Variants in RET observed in about 807,000 individuals in gnomAD.
RET encodes the protein proto-oncogene tyrosine-protein kinase receptor Ret.
RET carries 19 observed loss-of-function variants against 118.3 expected under a neutral mutation model. The ratio of observed to expected loss-of-function variants is 0.16; its 90% confidence interval spans 0.11 to 0.24. The LOEUF (loss-of-function observed/expected upper bound fraction) is 0.24, where lower values mean the gene tolerates loss of function less well. Ranked by LOEUF, RET falls within the 10% of genes least tolerant of loss-of-function variation. The probability of loss-of-function intolerance (pLI) is 1.00; values close to 1 mark genes in which losing one functional copy is unlikely to be tolerated. For synonymous variants in RET, 597 were observed against 644.1 expected (o/e 0.93, Z 1.11); for missense variants, 1,219 against 1,502.1 (o/e 0.81, Z 3.12).
rs1161678851 is a variant in RET at position 43,112,886 on chromosome 10, G to C, written c.1682G>C (p.Ser561Thr). The part of the protein sequence containing the change: ...ITRNFSTCSP[S>T]TKTCPDGHCD... ...AGGAACTTCTCCACCTGCTCTCCCA[G>C]CACCAAGACCTGCCCCGACGGCCAC... The change falls in exon 9 of 20, where the codon AGC (serine) becomes ACC (threonine). Residue 561 changes from serine to threonine, a missense_variant. Coordinates refer to ENST00000355710, the MANE Select transcript of RET (RefSeq NM_020975.6). 1 of 1,613,992 alleles carries C rather than the reference G, an allele frequency of 6.2e-7. No individual in the cohort carries two copies. The highest frequency in any genetic ancestry group is 8.5e-7 in the Non-Finnish European group (1 of 1,180,008).
intron 12 of RET, among the ~76,000 whole-genome samples, chr10:43,117,863 T>A (rs564367339): frequency 6.6e-6 from 1 of 152,286 alleles, no homozygotes; most frequent in Admixed American, 6.5e-5. Flanking sequence ...TGCTGACGTG[T>A]GTGTGACGGA....
Position 43,102,504 on chromosome 10 carries a change from T to C in RET, c.500T>C (p.Phe167Ser). ...CSSLKPRELC[F>S]PETRPSFRIR... is the part of the protein sequence containing the mutation. ...TCCCTCAAGCCCCGGGAGCTCTGCTTCCCAGAGACAAGGCCCTCCTTCCGC... is the reference window on the plus strand; with the variant it reads ...TCCCTCAAGCCCCGGGAGCTCTGCTCCCCAGAGACAAGGCCCTCCTTCCGC... The change falls in exon 3 of 20, where the codon TTC becomes TCC. Residue 167 changes from phenylalanine (F) to serine (S), a missense_variant. By Grantham distance (155) the Phe-to-Ser change is radical. Coordinates refer to ENST00000355710, the MANE Select transcript of RET (RefSeq NM_020975.6). 6.2e-7 allele frequency: 1 copy of C among 1,614,154 alleles called. No homozygotes were observed. The highest frequency in any genetic ancestry group is 8.5e-7 in the Non-Finnish European group (1 of 1,180,038).
rs1202147042 is a variant in RET at position 43,106,820 on chromosome 10, C to T, written c.1063+249C>T. Among the ~76,000 whole-genome samples, 1 of 152,208 alleles carries T rather than the reference C, an allele frequency of 6.6e-6. No homozygotes were observed. The highest frequency in any genetic ancestry group is 1.5e-5 in the Non-Finnish European group (1 of 68,022). On this transcript the variant is annotated intron_variant, in intron 5 of 19. Transcript: ENST00000355710. The surrounding 1 kb of genome is among the most constrained non-coding windows in gnomAD (Gnocchi z 5.1). ...CATGGCCGACCCTGGCAGGGCCCCA[C>T]CACACCCCCCTGCTGACCTCACCAG... is the stretch of plus-strand genomic sequence containing the variant.
Position 43,124,932 on chromosome 10 carries a change from G to T in RET, c.2989G>T (p.Val997Leu). The T allele has an allele frequency of 6.2e-7, 1 of 1,614,242 alleles. No homozygotes were observed. Among genetic ancestry groups the T allele is most frequent in the East Asian group, 2.2e-5 (1 of 44,884 alleles). ...CWKQEPDKRPVFADISKDLEK... is the reference protein window; with the variant it reads ...CWKQEPDKRPLFADISKDLEK... ...GAAGCAGGAGCCGGACAAAAGGCCG[G>T]TGTTTGCGGACATCAGCAAAGACCT... The change falls in exon 18 of 20, where the codon GTG becomes TTG. Residue 997 changes from valine to leucine, a missense_variant. Val to Leu is a conservative substitution (Grantham distance 32). Coordinates refer to ENST00000355710, the MANE Select transcript of RET (RefSeq NM_020975.6).
intron 1 of RET, among the ~76,000 whole-genome samples, chr10:43,099,436 G>A (rs372179674): frequency 3.3e-5 from 5 of 151,926 alleles, no homozygotes; most frequent in East Asian, 1.9e-4. Flanking sequence ...GCTTGAACCC[G>A]GGAGGTGGAA....
chr10:43,108,527 G>T (rs1588868947), intron 5 of RET, among the ~76,000 whole-genome samples: 1 of 152,170 alleles, frequency 6.6e-6, no homozygotes, highest in South Asian at 2.1e-4. Context: ...AGTCCACCCT[G>T]CCTTCCTGTC....
chr10:43,089,855 C>T (rs1229363821), intron 1 of RET, among the ~76,000 whole-genome samples: 3 of 152,240 alleles, frequency 2.0e-5, no homozygotes, highest in Non-Finnish European at 2.9e-5. Context: ...TTGTTATCAT[C>T]AGACAAGAAC....
At chr10:43,119,955 C>T in intron 14 of RET, 126 bp from the exon 15 acceptor site, 2 of 1,454,224 alleles carry the variant, frequency 1.4e-6, no homozygotes, top group Non-Finnish European at 1.9e-6. Flanking sequence ...TGCCACACCC[C>T]CGGCCCAGGT....
rs1432069386 is a variant in RET, at chr10:43,114,629, C to T, written c.2029C>T (p.Arg677Trp). Residue 677 changes from arginine to tryptophan, a missense_variant, in exon 11 of 20, where the codon CGG becomes TGG. By Grantham distance (101) the Arg-to-Trp change is moderately radical. Coordinates refer to ENST00000355710, the MANE Select transcript of RET (RefSeq NM_020975.6). This position sits in a 1 kb window ranked among gnomAD's most constrained non-coding sequence, Gnocchi z 4.6. ...CATCTCCTCAGCTGAGATGACCTTC[C>T]GGAGGCCCGCCCAGGCCTTCCCGGT... ...PPISSAEMTF[R>W]RPAQAFPVSY... 6.2e-7 allele frequency: 1 copy of T among 1,613,044 alleles called. No individual in the cohort carries two copies. Among genetic ancestry groups the T allele is most frequent in the Non-Finnish European group, 8.5e-7 (1 of 1,180,014 alleles).
At chr10:43,115,968 G>A (rs1398389391) in intron 11 of RET, among the ~76,000 whole-genome samples, 10 of 152,204 alleles carry the variant, frequency 6.6e-5, no homozygotes, top group Admixed American at 6.5e-4. Flanking sequence ...ATCAAGGGAG[G>A]GTTCCTGGAT....
chr10:43,104,846 C>T (rs896394059), intron 3 of RET, 106 bp from the exon 4 acceptor site: 4 of 1,489,938 alleles, frequency 2.7e-6, no homozygotes, highest in Middle Eastern at 2.4e-4. Context: ...CCTGGGGCCG[C>T]GGCGGTGTGC....
At chr10:43,123,917 G>A (rs973407090) in intron 17 of RET, 109 bp downstream of exon 17, 1 of 1,528,364 alleles carries the variant, frequency 6.5e-7, no homozygotes, top group Admixed American at 1.7e-5. Context: ...AGAAGTGGGG[G>A]GTGGGGAGTG....
At chr10:43,081,694 G>A (rs1837186947) in intron 1 of RET, among the ~76,000 whole-genome samples, 1 of 152,180 alleles carries the variant, frequency 6.6e-6, no homozygotes, top group Non-Finnish European at 1.5e-5. Context: ...AAATGGGGAG[G>A]TCCCTTGGGG....
rs761187737 is a variant in RET, at chr10:43,114,511, G to T, written c.1911G>T (p.Val637=). The part of the protein sequence containing the change: ...DPLCDELCRT[V]IAAAVLFSFI... ...TGTGCGACGAGCTGTGCCGCACGGT[G>T]ATCGCAGCCGCTGTCCTCTTCTCCT... is the stretch of plus-strand genomic sequence containing the variant. The change falls in exon 11 of 20, where the codon GTG becomes GTT. Residue 637 remains valine (V), a synonymous_variant. Transcript: ENST00000355710. This position sits in a 1 kb window ranked among gnomAD's most constrained non-coding sequence, Gnocchi z 4.6. 1 of 1,608,558 alleles carries T rather than the reference G, an allele frequency of 6.2e-7. No individual in the cohort carries two copies. The highest frequency in any genetic ancestry group is 8.5e-7 in the Non-Finnish European group (1 of 1,179,958).
Position 43,110,087 on chromosome 10 carries a change from TC to T in RET, c.1263+861del, listed in dbSNP as rs552094530. On this transcript the variant is annotated intron_variant, in intron 6 of 19. Coordinates refer to ENST00000355710, the MANE Select transcript of RET (RefSeq NM_020975.6). Reference sequence around the variant, plus strand: ...AGCCCACCCTTGGACATATCTAAGCTCCCCGACCACCTCCTTGGCCTTTAAT... The same window carrying T: ...AGCCCACCCTTGGACATATCTAAGCTCCCGACCACCTCCTTGGCCTTTAAT... Among the ~76,000 whole-genome samples the T allele has an allele frequency of 5.4e-3, 816 of 151,976 alleles. 10 individuals carry two copies. Among genetic ancestry groups the T allele is most frequent in the African/African-American group, 0.019 (792 of 41,428 alleles).
At chr10:43,102,248 G>T in intron 2 of RET, 94 bp from the exon 3 acceptor site, 1 of 1,526,384 alleles carries the variant, frequency 6.6e-7, no homozygotes. Flanking sequence ...GGGGACCAGG[G>T]TTTACACCAG....
chr10:43,086,663 G>T (rs2132558127), intron 1 of RET, among the ~76,000 whole-genome samples: 1 of 152,382 alleles, frequency 6.6e-6, no homozygotes, highest in Non-Finnish European at 1.5e-5. Context: ...CCTTGCCCTA[G>T]GAAAGAAATT....
In RET at chr10:43,122,030, T is replaced by C; in HGVS notation, c.2801+14T>C. The C allele has an allele frequency of 1.2e-6, 2 of 1,608,202 alleles. No homozygotes were observed. Among genetic ancestry groups the C allele is most frequent in the South Asian group, 2.2e-5 (2 of 90,984 alleles). ...GCAAAGTGATGTGTAAGTGTGGGTG[T>C]TGCTCTCTTGGGGTGGAGGTTACAG... On this transcript the variant is annotated intron_variant, in intron 16 of 19. Coordinates refer to ENST00000355710, the MANE Select transcript of RET (RefSeq NM_020975.6).
At chr10:43,123,142 G>T (rs1838255642) in intron 16 of RET, among the ~76,000 whole-genome samples, 1 of 152,154 alleles carries the variant, frequency 6.6e-6, no homozygotes, top group Non-Finnish European at 1.5e-5. Context: ...GCTGTTTTGT[G>T]ATATGATTTT....
Sources: gnomAD v4.1 joint callset for allele counts (sites outside exome capture counted in the v4.1 genomes callset) on GRCh38, gnomAD v4.1.1 for gene constraint, Gnocchi (gnomAD v3.1) non-coding constraint, MANE v1.5 for transcripts, NCBI Gene and HGNC (gene_info 2026-07-23, HGNC 2026-07-21) for gene names.